The following GRID1 variants were observed in gnomAD, a reference collection of about 807,000 sequenced individuals.
The protein encoded by GRID1 is glutamate ionotropic receptor delta type subunit 1.
A neutral mutation model predicts 98.0 loss-of-function variants in GRID1; 28 were observed. The ratio of observed to expected loss-of-function variants is 0.29; its 90% CI spans 0.21 to 0.39. The LOEUF (loss-of-function observed/expected upper bound fraction) is 0.39, where lower values mean the gene tolerates loss of function less well. Among genes scored for constraint, GRID1 ranks in the 10% least tolerant of loss-of-function variants. The probability of loss-of-function intolerance (pLI) is 1.00; values close to 1 mark genes in which losing one functional copy is unlikely to be tolerated. For missense variants in GRID1, 1,111 were observed against 1,340.5 expected (o/e 0.83, Z 2.67); for synonymous variants, 553 against 538.5 (o/e 1.03, Z -0.37).
chr10:86,331,388 T>A (rs887673361), intron 2 of GRID1, among the ~76,000 whole-genome samples: 1 of 152,100 alleles, frequency 6.6e-6, no homozygotes, highest in South Asian at 2.1e-4. Flanking sequence ...GGCCACTACC[T>A]GCTGAGCCTG....
At chr10:86,286,395 A>G (rs1360517030) in intron 2 of GRID1, among the ~76,000 whole-genome samples, 1 of 152,140 alleles carries the variant, frequency 6.6e-6, no homozygotes, top group Non-Finnish European at 1.5e-5. Context: ...GACCATCTCC[A>G]TGGCTCCTTC....
intron 4 of GRID1, among the ~76,000 whole-genome samples, chr10:86,016,428 G>A (rs935206090): frequency 1.2e-4 from 18 of 151,946 alleles, no homozygotes; most frequent in African/African-American, 3.9e-4. Flanking sequence ...AGTGTAGGGC[G>A]GCAAATGTTT....
intron 2 of GRID1, among the ~76,000 whole-genome samples, chr10:86,332,552 A>T (rs1848160513): frequency 6.6e-6 from 1 of 151,724 alleles, no homozygotes; most frequent in African/African-American, 2.4e-5. Flanking sequence ...CACCCCCAAT[A>T]AGCCTCCTAA....
rs758819955 is a variant in GRID1, at chr10:86,366,382, AGC to A, written c.9_10del (p.Leu4AspfsTer49). 1 of 1,509,096 alleles carries A rather than the reference AGC, an allele frequency of 6.6e-7. No homozygotes were observed. Among genetic ancestry groups the A allele is most frequent in the Non-Finnish European group, 8.9e-7 (1 of 1,125,996 alleles). The allele number at this position is 1,509,096 out of a possible 1,614,324, so 93.5% of individuals were successfully genotyped here. On this transcript the variant is annotated frameshift_variant, in exon 1 of 16. Transcript: ENST00000327946. LOFTEE classifies it high-confidence loss of function. This position sits in a 1 kb window ranked among gnomAD's most constrained non-coding sequence, Gnocchi z 4.1. ...TATCCAGGGGAGAAGCCACAGCGTC[AGC>A]GCTTCCATGTCCCCCGGGCGCGCGG...
chr10:86,012,798 C>T (rs112212054), intron 4 of GRID1, among the ~76,000 whole-genome samples: 8,347 of 152,286 alleles, frequency 0.055, 289 homozygotes, highest in Middle Eastern at 0.088. Context: ...CCTCAGCAGA[C>T]GCTGAATCTG....
At chr10:86,124,705 T>A (rs1273770477) in intron 4 of GRID1, among the ~76,000 whole-genome samples, 1 of 152,224 alleles carries the variant, frequency 6.6e-6, no homozygotes, top group African/African-American at 2.4e-5. Context: ...CTCAGTCCCT[T>A]TATATTCTCA....
intron 3 of GRID1, among the ~76,000 whole-genome samples, chr10:86,148,074 T>C (rs1277492098): frequency 6.6e-6 from 1 of 152,256 alleles, no homozygotes; most frequent in Non-Finnish European, 1.5e-5. Flanking sequence ...TCTCTGGGAA[T>C]CTGCAAGTAT....
chr10:86,308,873 T>G (rs923499628), intron 2 of GRID1, among the ~76,000 whole-genome samples: 4 of 152,150 alleles, frequency 2.6e-5, no homozygotes, highest in African/African-American at 9.7e-5. Context: ...ACCCACTCCC[T>G]CAATGACATT....
chr10:85,636,047 T>G (rs1843036791), intron 13 of GRID1, among the ~76,000 whole-genome samples: 1 of 152,188 alleles, frequency 6.6e-6, no homozygotes, highest in East Asian at 1.9e-4. Flanking sequence ...TGAAGCACAA[T>G]AGACTTGATG....
At chr10:85,854,904 G>C (rs1215350231) in intron 7 of GRID1, among the ~76,000 whole-genome samples, 1 of 152,228 alleles carries the variant, frequency 6.6e-6, no homozygotes, top group Admixed American at 6.5e-5. Context: ...TGCTAGCCAT[G>C]AGATTAAACA....
At chr10:85,908,616 A>G (rs1202421092) in intron 5 of GRID1, among the ~76,000 whole-genome samples, 3 of 152,220 alleles carry the variant, frequency 2.0e-5, no homozygotes, top group African/African-American at 7.2e-5. Flanking sequence ...TCTCCCAAAA[A>G]TGGAGTACAG....
chr10:85,721,416 C>G (rs539092029), intron 12 of GRID1, among the ~76,000 whole-genome samples: 1 of 152,154 alleles, frequency 6.6e-6, no homozygotes, highest in South Asian at 2.1e-4. Flanking sequence ...CAGCTTTTTT[C>G]ATAATTGCCA....
Position 85,599,802 on chromosome 10 carries a change from A to AAAAAAAAAAAATATATATAT in GRID1, c.*2470_*2471insATATATATATTTTTTTTTTT. 1 of 65,000 alleles carries AAAAAAAAAAAATATATATAT rather than the reference A, an allele frequency of 1.5e-5. No individual in the cohort carries two copies. Among genetic ancestry groups the AAAAAAAAAAAATATATATAT allele is most frequent in the African/African-American group, 9.3e-5 (1 of 10,730 alleles). 4.0% of individuals were successfully genotyped at this position (65,000 alleles called of 1,614,324 possible). ...GTAGAAAATTCTAAAAAAAAAAAAA[A>AAAAAAAAAAAATATATATAT]ATATATATATATATATATAAACATG... is the stretch of plus-strand genomic sequence containing the variant. On this transcript the variant is annotated 3_prime_UTR_variant, in exon 16 of 16. Transcript: ENST00000327946.
intron 4 of GRID1, among the ~76,000 whole-genome samples, chr10:86,086,207 C>T (rs528604424): frequency 1.3e-4 from 20 of 152,284 alleles, no homozygotes; most frequent in Admixed American, 2.6e-4. Context: ...CAATTGTCTG[C>T]TCCACTTATA....
intron 13 of GRID1, 46 bp downstream of exon 13, chr10:85,647,156 G>T (rs745765483): frequency 2.0e-6 from 3 of 1,509,864 alleles, no homozygotes; most frequent in Non-Finnish European, 2.8e-6. Context: ...TGACCACCCC[G>T]TGGCCCTGTT....
At chr10:85,921,142 T>C (rs574290214) in intron 4 of GRID1, among the ~76,000 whole-genome samples, 4 of 152,344 alleles carry the variant, frequency 2.6e-5, no homozygotes, top group Non-Finnish European at 5.9e-5. Flanking sequence ...CAGATGCTGA[T>C]GGTGGTACTG....
At chr10:85,901,533 G>A (rs879459961) in intron 5 of GRID1, among the ~76,000 whole-genome samples, 26 of 152,276 alleles carry the variant, frequency 1.7e-4, no homozygotes, top group Non-Finnish European at 2.6e-4. Flanking sequence ...TCTTTTAAGC[G>A]TGCTTGCTGT....
At position 86,366,375 on chromosome 10, in the gene GRID1, C is replaced by T; in HGVS notation, c.18G>A (p.Leu6=). The T allele has an allele frequency of 6.6e-7, 1 of 1,512,954 alleles. No individual in the cohort carries two copies. Among genetic ancestry groups the T allele is most frequent in the Non-Finnish European group, 8.9e-7 (1 of 1,127,948 alleles). 93.7% of individuals were successfully genotyped at this position (1,512,954 alleles called of 1,614,324 possible). The part of the protein sequence containing the change: MEALT[L]WLLPWICQCV... ...ACTGGCATATCCAGGGGAGAAGCCA[C>T]AGCGTCAGCGCTTCCATGTCCCCCG... Residue 6 remains leucine, a synonymous_variant, in exon 1 of 16, where the codon CTG becomes CTA. Transcript: ENST00000327946. The surrounding 1 kb of genome is among the most constrained non-coding windows in gnomAD (Gnocchi z 4.1).
chr10:85,861,024 G>T (rs1843159278), intron 6 of GRID1, among the ~76,000 whole-genome samples: 1 of 152,176 alleles, frequency 6.6e-6, no homozygotes, highest in Non-Finnish European at 1.5e-5. Flanking sequence ...GAAATGAATA[G>T]AAGAGGCAAA....
Sources: allele counts gnomAD v4.1 joint callset (sites outside exome capture counted in the v4.1 genomes callset), GRCh38; gene constraint gnomAD v4.1.1; non-coding constraint Gnocchi (gnomAD v3.1); transcripts MANE v1.5; gene names NCBI Gene and HGNC (gene_info 2026-07-23, HGNC 2026-07-21).